ADAMTS2: variants seen among roughly 807,000 people sequenced by gnomAD.
ADAMTS2 encodes the protein ADAM metallopeptidase with thrombospondin type 1 motif 2.
In ADAMTS2, 50 loss-of-function variants were observed where a neutral mutation model predicts 123.0. The observed-to-expected ratio is 0.41, with a 90% CI of 0.32 to 0.51. The LOEUF is 0.51. ADAMTS2 is among the 20% of genes least tolerant of loss of function. The pLI is 0.35. For synonymous variants in ADAMTS2, 678 were observed against 695.4 expected, an observed-to-expected ratio of 0.98 and a Z score of 0.39; for missense variants, 1,494 against 1,705.2, an observed-to-expected ratio of 0.88 and a Z score of 2.18.
intron 2 of ADAMTS2, among the ~76,000 whole-genome samples, chr5:179,276,884 C>A (rs1025462266): frequency 3.9e-5 from 6 of 152,290 alleles, no homozygotes; most frequent in South Asian, 2.1e-4. Flanking sequence ...TCTGGAGGGA[C>A]CTAGTGTGAC....
At chr5:179,168,416 T>G (rs897608479) in intron 5 of ADAMTS2, among the ~76,000 whole-genome samples, 1 of 152,136 alleles carries the variant, frequency 6.6e-6, no homozygotes, top group African/African-American at 2.4e-5. Context: ...CACCAGCGTG[T>G]GGCCCCGGGC....
In ADAMTS2 at chr5:179,307,168, G is replaced by A. The variant is rs931486589; in HGVS notation, c.535-34104C>T. On this transcript the variant is annotated intron_variant, in intron 2 of 21. Coordinates refer to ENST00000251582, the MANE Select transcript of ADAMTS2 (RefSeq NM_014244.5). This position sits in a 1 kb window ranked among gnomAD's most constrained non-coding sequence, Gnocchi z 5.6. ...CCTGCTAGCATGAGACAGACACAGG[G>A]GGCCCGCACTGCAGAGCTGCCCCGG... 6.6e-6 allele frequency among the ~76,000 whole-genome samples: 1 copy of A among 152,172 alleles called. No individual in the cohort carries two copies. Among genetic ancestry groups the A allele is most frequent in the African/African-American group, 2.4e-5 (1 of 41,464 alleles).
At chr5:179,286,687 C>T (rs902363022) in intron 2 of ADAMTS2, among the ~76,000 whole-genome samples, 15 of 152,184 alleles carry the variant, frequency 9.9e-5, no homozygotes, top group African/African-American at 3.4e-4. Context: ...TCGGGGCCGG[C>T]GCCTTCCCTA....
At chr5:179,207,475 T>TCCCCCCCCCCCCCCTCCCCCCCCC in intron 4 of ADAMTS2, 38 bp downstream of exon 4, 1 of 588,618 alleles carries the variant, frequency 1.7e-6, no homozygotes, top group Non-Finnish European at 3.2e-6. Flanking sequence ...TGGTTGACCC[T>TCCCCCCCCCCCCCCTCCCCCCCCC]CCCCGCCCCA....
At chr5:179,238,347 G>A (rs979899988) in intron 3 of ADAMTS2, among the ~76,000 whole-genome samples, 2 of 152,204 alleles carry the variant, frequency 1.3e-5, no homozygotes, top group South Asian at 2.1e-4. Flanking sequence ...CTGGGAGACC[G>A]TGGGAGTCAC....
rs1338237967 is a variant in ADAMTS2, at chr5:179,115,276, TCA to T, written c.3179-954_3179-953del. On this transcript the variant is annotated intron_variant, in intron 21 of 21. Transcript: ENST00000251582. This position sits in a 1 kb window ranked among gnomAD's most constrained non-coding sequence, Gnocchi z 4.4. ...TTCAACCCATCAACTCTTCTTGCGCTCACACTCTCTTTACTCTCTGTCTCCTT... is the reference window on the plus strand; with the variant it reads ...TTCAACCCATCAACTCTTCTTGCGCTCACTCTCTTTACTCTCTGTCTCCTT... Among the ~76,000 whole-genome samples the T allele has an allele frequency of 3.3e-5, 5 of 152,160 alleles. No homozygotes were observed. The highest frequency in any genetic ancestry group is 3.3e-4 in the Admixed American group (5 of 15,262).
chr5:179,171,993 G>A (rs964682713), intron 5 of ADAMTS2, among the ~76,000 whole-genome samples: 2 of 152,122 alleles, frequency 1.3e-5, no homozygotes, highest in African/African-American at 4.8e-5. Context: ...CTGAGCCCTC[G>A]GGGCCGGGGG....
intron 3 of ADAMTS2, among the ~76,000 whole-genome samples, chr5:179,245,762 T>A (rs1765774099): frequency 1.8e-4 from 5 of 27,668 alleles, no homozygotes; most frequent in African/African-American, 3.3e-4. Flanking sequence ...CGAGACTCCG[T>A]CTCAAAAAAA....
Position 179,273,034 on chromosome 5 carries a change from A to T in ADAMTS2, c.565T>A (p.Phe189Ile), listed in dbSNP as rs1766589494. 6.2e-7 allele frequency: 1 copy of T among 1,612,876 alleles called. No homozygotes were observed. The highest frequency in any genetic ancestry group is 8.5e-7 in the Non-Finnish European group (1 of 1,179,886). Reference sequence around the variant, plus strand: ...CCCTTCTCCAAGGGTTCGATGAAGAACTCCTCCTCCTCCATCCGGATCAGA... The same window carrying T: ...CCCTTCTCCAAGGGTTCGATGAAGATCTCCTCCTCCTCCATCCGGATCAGA... ...AGLIRMEEEE[F>I]FIEPLEKGLA... The change falls in exon 3 of 22, where the codon TTC (phenylalanine) becomes ATC (isoleucine). Residue 189 changes from phenylalanine (F) to isoleucine (I), a missense_variant. By Grantham distance (21) the Phe-to-Ile change is conservative (BLOSUM62 0). Transcript: ENST00000251582.
intron 2 of ADAMTS2, among the ~76,000 whole-genome samples, chr5:179,310,335 TG>T (rs1756794736): frequency 6.6e-6 from 1 of 152,182 alleles, no homozygotes. Context: ...TTGTTGTCTT[TG>T]GGGGCTCAGC....
intron 3 of ADAMTS2, among the ~76,000 whole-genome samples, chr5:179,223,068 A>C (rs368506952): frequency 1.8e-4 from 27 of 152,312 alleles, no homozygotes; most frequent in African/African-American, 6.0e-4. Flanking sequence ...TGGCTCCCAA[A>C]ACCTTCATTT....
At chr5:179,274,981 GA>G (rs778456854) in intron 2 of ADAMTS2, among the ~76,000 whole-genome samples, 37 of 152,196 alleles carry the variant, frequency 2.4e-4, no homozygotes, top group Non-Finnish European at 4.1e-4. Flanking sequence ...CCATATGGGG[GA>G]AACCGCACAT....
In ADAMTS2 at chr5:179,198,036, T is replaced by C. The variant is rs138326577; in HGVS notation, c.891+9477A>G. On this transcript the variant is annotated intron_variant, in intron 4 of 21. Transcript: ENST00000251582. ...GCCCCAGGGTCAGTATCAGGCATGTTCAGCAATGTCACCTGTGTCCCAGCC... is the reference window on the plus strand; with the variant it reads ...GCCCCAGGGTCAGTATCAGGCATGTCCAGCAATGTCACCTGTGTCCCAGCC... Among the ~76,000 whole-genome samples the C allele has an allele frequency of 4.7e-3, 713 of 152,286 alleles. 6 individuals carry two copies. The highest frequency in any genetic ancestry group is 0.016 in the African/African-American group (685 of 41,562).
intron 19 of ADAMTS2, among the ~76,000 whole-genome samples, chr5:179,124,640 G>A (rs1581138376): frequency 6.6e-6 from 1 of 152,368 alleles, no homozygotes; most frequent in East Asian, 1.9e-4. Context: ...GAAACCCACA[G>A]GATGTGGCTC....
In ADAMTS2 at chr5:179,312,648, G is replaced by A. The variant is rs1246200885; in HGVS notation, c.534+31119C>T. On this transcript the variant is annotated intron_variant, in intron 2 of 21. Coordinates refer to ENST00000251582, the MANE Select transcript of ADAMTS2 (RefSeq NM_014244.5). The surrounding 1 kb of genome is among the most constrained non-coding windows in gnomAD (Gnocchi z 4.2). ...AAGGCAGAGCAAGATGAGCCAGGCA[G>A]AGGAGAAGGCCACGTACAGGCAGAG... Among the ~76,000 whole-genome samples, 1 of 152,242 alleles carries A rather than the reference G, an allele frequency of 6.6e-6. No individual in the cohort carries two copies. Among genetic ancestry groups the A allele is most frequent in the African/African-American group, 2.4e-5 (1 of 41,466 alleles).
rs1278613815 is a variant in ADAMTS2, at chr5:179,133,565, C to T, written c.2086-665G>A. 5.3e-5 allele frequency among the ~76,000 whole-genome samples: 8 copies of T among 150,830 alleles called. No homozygotes were observed. In the East Asian group the frequency reaches 5.9e-4, roughly 11 times the overall value. ...GATTACAGTCCTGAGCCACCGCGCC[C>T]GGCCAAGTTTTGATATTCTTTAACA... On this transcript the variant is annotated intron_variant, in intron 13 of 21. Transcript: ENST00000251582.
intron 5 of ADAMTS2, among the ~76,000 whole-genome samples, chr5:179,166,859 ACGGAGC>A (rs1176026892): frequency 2.0e-5 from 3 of 152,062 alleles, no homozygotes. Context: ...TCCTCCCTTC[ACGGAGC>A]AATCCCGGCT....
chr5:179,299,294 C>G (rs538514710), intron 2 of ADAMTS2, among the ~76,000 whole-genome samples: 1 of 136,886 alleles, frequency 7.3e-6, no homozygotes, highest in South Asian at 2.6e-4. Context: ...CTTTGGGAGG[C>G]TGAGGCGGGC....
intron 2 of ADAMTS2, among the ~76,000 whole-genome samples, chr5:179,330,464 C>T: frequency 6.6e-6 from 1 of 152,282 alleles, no homozygotes. Context: ...CCAGCAGCCT[C>T]CCTGCAACTG....
Sources: allele counts gnomAD v4.1 joint callset (sites outside exome capture counted in the v4.1 genomes callset), GRCh38; gene constraint gnomAD v4.1.1; non-coding constraint Gnocchi (gnomAD v3.1); transcripts MANE v1.5; gene names NCBI Gene and HGNC (gene_info 2026-07-23, HGNC 2026-07-21).